The following LHFPL3 variants were observed in gnomAD, a reference collection of about 807,000 sequenced individuals.
LHFPL3 encodes LHFPL tetraspan subfamily member 3, also known as LHFPL tetraspan subfamily member 3 protein.
Under a neutral mutation model 19.3 loss-of-function variants are expected in LHFPL3, and 5 were observed. The observed-to-expected ratio is 0.26, with a 90% CI of 0.14 to 0.54. The LOEUF (loss-of-function observed/expected upper bound fraction) is 0.54, where lower values mean the gene tolerates loss of function less well. Ranked by LOEUF, LHFPL3 falls within the 20% of genes least tolerant of loss-of-function variation. The pLI is 0.94. For synonymous variants in LHFPL3, 133 were observed against 126.2 expected (o/e 1.05, Z -0.36); for missense variants, 249 against 307.4 (o/e 0.81, Z 1.42).
At chr7:104,488,610 C>T (rs1478522351) in intron 1 of LHFPL3, among the ~76,000 whole-genome samples, 2 of 152,164 alleles carry the variant, frequency 1.3e-5, no homozygotes, top group African/African-American at 4.8e-5. Context: ...CTGTCATCCC[C>T]TCTGTGGGAT....
At chr7:104,779,910 T>TG (rs1009296151) in intron 2 of LHFPL3, among the ~76,000 whole-genome samples, 1 of 151,876 alleles carries the variant, frequency 6.6e-6, no homozygotes, top group African/African-American at 2.4e-5. Flanking sequence ...TATAAATTAG[T>TG]GGGGTTTTTT....
intron 1 of LHFPL3, among the ~76,000 whole-genome samples, chr7:104,565,710 C>T (rs1289086217): frequency 7.4e-6 from 1 of 135,732 alleles, no homozygotes; most frequent in Non-Finnish European, 1.5e-5. Context: ...CCTGCACCTT[C>T]CTGTCTGTCT....
intron 2 of LHFPL3, among the ~76,000 whole-genome samples, chr7:104,866,104 C>T (rs1319033190): frequency 2.6e-5 from 4 of 152,210 alleles, no homozygotes; most frequent in East Asian, 3.9e-4. Flanking sequence ...ACAAGCGGTC[C>T]CAGCCACTGC....
At chr7:104,447,122 C>T (rs1476125883) in intron 1 of LHFPL3, among the ~76,000 whole-genome samples, 1 of 152,134 alleles carries the variant, frequency 6.6e-6, no homozygotes, top group African/African-American at 2.4e-5. Context: ...CTCTGTAATA[C>T]CTTTTGCCCA....
intron 1 of LHFPL3, among the ~76,000 whole-genome samples, chr7:104,670,775 G>GT (rs892992665): frequency 1.3e-5 from 2 of 151,780 alleles, no homozygotes; most frequent in Non-Finnish European, 2.9e-5. Flanking sequence ...ACCTTGATGG[G>GT]TTTTTTTCCC....
chr7:104,537,899 T>C (rs1305366277), intron 1 of LHFPL3, among the ~76,000 whole-genome samples: 1 of 152,170 alleles, frequency 6.6e-6, no homozygotes, highest in African/African-American at 2.4e-5. Context: ...TCAAGGTCCT[T>C]CTTGGGCAGG....
At chr7:104,419,059 AT>A (rs1315826593) in intron 1 of LHFPL3, among the ~76,000 whole-genome samples, 4 of 152,364 alleles carry the variant, frequency 2.6e-5, no homozygotes, top group African/African-American at 7.2e-5. Flanking sequence ...CTTGTTTAAG[AT>A]TTAACAAGAT....
intron 2 of LHFPL3, among the ~76,000 whole-genome samples, chr7:104,786,111 T>C (rs1789906282): frequency 6.6e-6 from 1 of 152,184 alleles, no homozygotes; most frequent in South Asian, 2.1e-4. Context: ...GAACAAGGAA[T>C]AAACACTTAC....
intron 1 of LHFPL3, among the ~76,000 whole-genome samples, chr7:104,501,007 A>G (rs562302919): frequency 1.3e-5 from 2 of 152,240 alleles, no homozygotes; most frequent in Admixed American, 1.3e-4. Context: ...CTCAGTATAT[A>G]CACTTGTCAT....
intron 1 of LHFPL3, among the ~76,000 whole-genome samples, chr7:104,354,206 G>T (rs948103337): frequency 1.3e-5 from 2 of 152,234 alleles, no homozygotes; most frequent in African/African-American, 4.8e-5. Context: ...CCACGTGGCT[G>T]TATGCACCTC....
intron 2 of LHFPL3, among the ~76,000 whole-genome samples, chr7:104,752,377 G>A (rs914799079): frequency 1.3e-5 from 2 of 150,572 alleles, no homozygotes; most frequent in East Asian, 1.9e-4. Context: ...AAACTGAAAC[G>A]CTATCTTCTT....
intron 1 of LHFPL3, among the ~76,000 whole-genome samples, chr7:104,410,477 A>C (rs1262152169): frequency 1.3e-5 from 2 of 152,190 alleles, no homozygotes; most frequent in African/African-American, 4.8e-5. Flanking sequence ...TACCTATTCC[A>C]CAGGATTGCT....
intron 1 of LHFPL3, among the ~76,000 whole-genome samples, chr7:104,585,480 A>ACACACACACACACACACACACACAC (rs1790551501): frequency 3.2e-5 from 4 of 123,360 alleles, no homozygotes; most frequent in Non-Finnish European, 5.1e-5. Flanking sequence ...AACACACACA[A>ACACACACACACACACACACACACAC]ACACACACAC....
chr7:104,356,890 A>G (rs73403803), intron 1 of LHFPL3, among the ~76,000 whole-genome samples: 1 of 152,188 alleles, frequency 6.6e-6, no homozygotes, highest in African/African-American at 2.4e-5. Context: ...GCCACACAGC[A>G]GGAGGTGAGC....
intron 2 of LHFPL3, chr7:104,759,629 C>A (rs530995227): frequency 1.3e-5 from 2 of 152,288 alleles, no homozygotes; most frequent in East Asian, 3.9e-4. Context: ...GTACAAGACA[C>A]CAACTTTCAC....
intron 1 of LHFPL3, among the ~76,000 whole-genome samples, chr7:104,664,046 T>C (rs1792279704): frequency 6.6e-6 from 1 of 152,240 alleles, no homozygotes; most frequent in Admixed American, 6.5e-5. Context: ...ACAAAGCAGA[T>C]AGATGATGAC....
chr7:104,616,879 G>T (rs6466006), intron 1 of LHFPL3, among the ~76,000 whole-genome samples: 1 of 151,940 alleles, frequency 6.6e-6, no homozygotes, highest in African/African-American at 2.4e-5. Context: ...CATTTATGTG[G>T]CAAACAAACA....
At chr7:104,504,816 T>C (rs1793665486) in intron 1 of LHFPL3, among the ~76,000 whole-genome samples, 1 of 152,214 alleles carries the variant, frequency 6.6e-6, no homozygotes, top group African/African-American at 2.4e-5. Context: ...TTGTTTTCAC[T>C]GTGTTGCAAT....
intron 1 of LHFPL3, among the ~76,000 whole-genome samples, chr7:104,649,105 G>A (rs907823391): frequency 6.6e-6 from 1 of 152,216 alleles, no homozygotes; most frequent in African/African-American, 2.4e-5. Flanking sequence ...GGAGTTGAGA[G>A]AGGGTTTGAC....
Sources: gnomAD v4.1 joint callset for allele counts (sites outside exome capture counted in the v4.1 genomes callset) on GRCh38, gnomAD v4.1.1 for gene constraint, MANE v1.5 for transcripts, NCBI Gene and HGNC (gene_info 2026-07-23, HGNC 2026-07-21) for gene names.